The following MAP1B variants were observed in gnomAD, a reference collection of about 807,000 sequenced individuals.
The protein encoded by MAP1B is microtubule associated protein 1B.
In MAP1B, 12 loss-of-function variants were observed where a neutral mutation model predicts 176.1. The observed-to-expected ratio is 0.07, with a 90% confidence interval of 0.04 to 0.11. The LOEUF (loss-of-function observed/expected upper bound fraction) is 0.11, where lower values mean the gene tolerates loss of function less well. MAP1B is among the 10% of genes least tolerant of loss of function. MAP1B has a pLI of 1.00. For synonymous variants in MAP1B, 1,044 were observed against 1,135.0 expected (o/e 0.92, Z 1.61); for missense variants, 2,523 against 2,990.5 (o/e 0.84, Z 3.65).
intron 2 of MAP1B, among the ~76,000 whole-genome samples, chr5:72,177,692 A>G (rs977888556): frequency 1.3e-5 from 2 of 152,176 alleles, no homozygotes; most frequent in Non-Finnish European, 2.9e-5. Context: ...ATGATTTCAC[A>G]CCATAAGCTG....
In MAP1B at chr5:72,209,162, C is replaced by A. The variant is rs1747516741; in HGVS notation, c.*3923C>A. ...AGCTTCTCTGCACTTGTTTGGAGCT[C>A]CCCAAAACAGGAGCCATGGAGAAGT... On this transcript the variant is annotated 3_prime_UTR_variant, in exon 7 of 7. Coordinates refer to ENST00000296755, the MANE Select transcript of MAP1B (RefSeq NM_005909.5). The A allele has an allele frequency of 6.6e-6, 1 of 152,194 alleles. No individual in the cohort carries two copies. Among genetic ancestry groups the A allele is most frequent in the Non-Finnish European group, 1.5e-5 (1 of 68,036 alleles). The allele number at this position is 152,194 out of a possible 1,614,324, so 9.4% of individuals were successfully genotyped here.
At chr5:72,118,985 C>A (rs1459218) in intron 2 of MAP1B, among the ~76,000 whole-genome samples, 94,406 of 151,612 alleles carry the variant, frequency 0.62, 30,413 homozygotes, top group Middle Eastern at 0.72. Context: ...ACTAGTTTAT[C>A]CCTTATACTA....
chr5:72,151,273 A>C (rs566183578), intron 2 of MAP1B, among the ~76,000 whole-genome samples: 1 of 152,162 alleles, frequency 6.6e-6, no homozygotes, highest in Non-Finnish European at 1.5e-5. Context: ...AACTCACTTC[A>C]TGAGAACAGC....
At chr5:72,161,540 G>C (rs1226522083) in intron 2 of MAP1B, among the ~76,000 whole-genome samples, 3 of 152,184 alleles carry the variant, frequency 2.0e-5, no homozygotes, top group Non-Finnish European at 4.4e-5. Flanking sequence ...AGTTGCAGTT[G>C]GTGAAGAGTC....
chr5:72,189,731 T>A (rs1374765838), intron 4 of MAP1B, among the ~76,000 whole-genome samples: 1 of 151,072 alleles, frequency 6.6e-6, no homozygotes, highest in African/African-American at 2.4e-5. Flanking sequence ...ATTAAAAAAA[T>A]AAAATAAAAA....
chr5:72,116,449 T>C (rs565691195), intron 2 of MAP1B: 9 of 420,792 alleles, frequency 2.1e-5, no homozygotes, highest in African/African-American at 1.2e-4. Flanking sequence ...AAAGAATAAT[T>C]AAAGGTAAGG....
chr5:72,172,843 C>T (rs2112196455), intron 2 of MAP1B, among the ~76,000 whole-genome samples: 1 of 152,300 alleles, frequency 6.6e-6, no homozygotes. Flanking sequence ...AAGCCTAGCG[C>T]CAAGCATGAG....
At chr5:72,124,946 A>G (rs537611349) in intron 2 of MAP1B, among the ~76,000 whole-genome samples, 3 of 152,336 alleles carry the variant, frequency 2.0e-5, no homozygotes, top group African/African-American at 7.2e-5. Flanking sequence ...TGGAGAAGTT[A>G]TCCTTATTGC....
intron 2 of MAP1B, among the ~76,000 whole-genome samples, chr5:72,159,186 A>G (rs1474983214): frequency 6.6e-6 from 1 of 152,176 alleles, no homozygotes; most frequent in Non-Finnish European, 1.5e-5. Context: ...TGCAATCAAG[A>G]CTGGAAGAAA....
At chr5:72,148,931 A>G (rs534686678) in intron 2 of MAP1B, among the ~76,000 whole-genome samples, 1 of 152,252 alleles carries the variant, frequency 6.6e-6, no homozygotes, top group South Asian at 2.1e-4. Context: ...CACTTAGCTA[A>G]GAATTACTAC....
rs538961576 is a variant in MAP1B, at chr5:72,120,071, A to G, written c.286+4272A>G. Among the ~76,000 whole-genome samples the G allele has an allele frequency of 2.0e-5, 3 of 152,328 alleles. No homozygotes were observed. The South Asian group carries it at 6.2e-4, about 32-fold the overall frequency. On this transcript the variant is annotated intron_variant, in intron 2 of 6. Coordinates refer to ENST00000296755, the MANE Select transcript of MAP1B (RefSeq NM_005909.5). ...AAGAAGGATATCTCCCAGGGGTTGT[A>G]AGAAGTGCCCCATAATTATCTGTCG...
intron 3 of MAP1B, among the ~76,000 whole-genome samples, chr5:72,184,672 T>C (rs1352629976): frequency 1.3e-5 from 2 of 152,172 alleles, no homozygotes; most frequent in African/African-American, 4.8e-5. Flanking sequence ...CACTTTCCAC[T>C]TCCTTTATTA....
At chr5:72,202,949 C>CAAA (rs1279861900) in intron 5 of MAP1B, among the ~76,000 whole-genome samples, 1 of 152,126 alleles carries the variant, frequency 6.6e-6, no homozygotes, top group Admixed American at 6.5e-5. Flanking sequence ...TATCACTTTT[C>CAAA]AGAATACTGT....
In MAP1B at chr5:72,193,895, T is replaced by C. The variant is rs765224759; in HGVS notation, c.540T>C (p.Pro180=). 6.2e-7 allele frequency: 1 copy of C among 1,606,506 alleles called. No homozygotes were observed. ...EIGELLSTTH[P]ANKASLTLFC... ...GGGAGTTACTAAGCACCACCCATCC[T>C]GCCAACAAAGCCAGCTTAACCCTGT... The change falls in exon 5 of 7, where the codon CCT becomes CCC. Residue 180 remains proline (P), a synonymous_variant. Coordinates refer to ENST00000296755, the MANE Select transcript of MAP1B (RefSeq NM_005909.5).
intron 2 of MAP1B, among the ~76,000 whole-genome samples, chr5:72,160,217 T>G (rs1257402637): frequency 2.7e-5 from 1 of 36,530 alleles, no homozygotes; most frequent in East Asian, 5.0e-4. Context: ...TGTTGGAAAC[T>G]TAAAAAAAAA....
At chr5:72,162,370 G>A (rs963832870) in intron 2 of MAP1B, among the ~76,000 whole-genome samples, 2 of 151,808 alleles carry the variant, frequency 1.3e-5, no homozygotes, top group African/African-American at 4.8e-5. Context: ...AAAAATCTTC[G>A]ATGTAAGGGC....
chr5:72,209,373 GTAT>G lies in MAP1B; in HGVS notation c.*4138_*4140del, dbSNP rs930094295. The G allele has an allele frequency of 6.6e-6, 1 of 151,990 alleles. No homozygotes were observed. The highest frequency in any genetic ancestry group is 6.6e-5 in the Admixed American group (1 of 15,256). The allele number at this position is 151,990 out of a possible 1,614,324, so 9.4% of individuals were successfully genotyped here. ...TTGTGTCAGTCTGCAGCTGTGTATG[GTAT>G]TATGTCTTATAATCCTGCATCACTT... On this transcript the variant is annotated 3_prime_UTR_variant, in exon 7 of 7. Transcript: ENST00000296755.
At chr5:72,174,729 G>A (rs1746615353) in intron 2 of MAP1B, among the ~76,000 whole-genome samples, 1 of 152,226 alleles carries the variant, frequency 6.6e-6, no homozygotes, top group South Asian at 2.1e-4. Flanking sequence ...GGCACTCACA[G>A]ATCCCACCTT....
chr5:72,170,270 T>G (rs1746510587), intron 2 of MAP1B, among the ~76,000 whole-genome samples: 2 of 152,150 alleles, frequency 1.3e-5, no homozygotes, highest in Non-Finnish European at 2.9e-5. Flanking sequence ...TGATTCTCCA[T>G]AGGCCTGAGT....
Sources: allele counts gnomAD v4.1 joint callset (sites outside exome capture counted in the v4.1 genomes callset), GRCh38; gene constraint gnomAD v4.1.1; transcripts MANE v1.5; gene names NCBI Gene and HGNC (gene_info 2026-07-23, HGNC 2026-07-21).